Variants in RBPJ observed in about 807,000 individuals in gnomAD.
The protein encoded by RBPJ is recombination signal binding protein for immunoglobulin kappa J region.
In RBPJ, 9 loss-of-function variants were observed where a neutral mutation model predicts 67.8. That is an observed-to-expected ratio of 0.13 (90% CI 0.08 to 0.23). The LOEUF (loss-of-function observed/expected upper bound fraction) is 0.23, where lower values mean the gene tolerates loss of function less well. RBPJ is among the 10% of genes least tolerant of loss of function. The probability of loss-of-function intolerance (pLI) is 1.00; values close to 1 mark genes in which losing one functional copy is unlikely to be tolerated. For missense variants in RBPJ, 305 were observed against 595.6 expected, an observed-to-expected ratio of 0.51 and a Z score of 5.08; for synonymous variants, 198 against 203.3, an observed-to-expected ratio of 0.97 and a Z score of 0.22.
chr4:26,319,689 G>C, upstream of RBPJ: 2 of 679,864 alleles, frequency 2.9e-6, no homozygotes, highest in South Asian at 3.3e-5. Context: ...AGGAGGTGTA[G>C]CGTGAGACTG....
At chr4:26,109,444 CTCTCTCTCTCTCTCTCTATATATATATA>C in the RBPJ span, among the ~76,000 whole-genome samples, 5 of 28,436 alleles carry the variant, frequency 1.8e-4, no homozygotes, top group South Asian at 8.8e-4. Context: ...CTCTCTCTCT[CTCTCTCTCTCTCTCTCTATATATATATA>C]TATATATATA....
At chr4:26,328,641 T>G (rs969333963) in intron 1 of RBPJ, among the ~76,000 whole-genome samples, 1 of 152,104 alleles carries the variant, frequency 6.6e-6, no homozygotes, top group African/African-American at 2.4e-5. Flanking sequence ...GGTTGGTGTT[T>G]TTTAGAGACA....
chr4:26,285,821 T>C (rs916216856), intron 1 of RBPJ, among the ~76,000 whole-genome samples: 3 of 152,116 alleles, frequency 2.0e-5, no homozygotes, highest in African/African-American at 7.2e-5. Flanking sequence ...TGAATATAAA[T>C]TACTATGTGT....
At chr4:26,179,119 G>A (rs1217939524) in intron 1 of RBPJ, among the ~76,000 whole-genome samples, 4 of 152,032 alleles carry the variant, frequency 2.6e-5, no homozygotes, top group Admixed American at 2.0e-4. Flanking sequence ...TTGGAAGATA[G>A]TGAAGAGTAA....
chr4:26,402,075 AGG>A (rs1295293044), intron 2 of RBPJ, among the ~76,000 whole-genome samples: 1 of 151,658 alleles, frequency 6.6e-6, no homozygotes, highest in East Asian at 1.9e-4. Context: ...TTTAGTAGAA[AGG>A]GGGTTTCTCC....
intron 1 of RBPJ, among the ~76,000 whole-genome samples, chr4:26,371,645 AT>A (rs1441122942): frequency 1.3e-5 from 2 of 152,136 alleles, no homozygotes; most frequent in Non-Finnish European, 2.9e-5. Context: ...GTTAACACAG[AT>A]TTCCCTGGTT....
At chr4:26,229,348 G>A (rs1719194962) in intron 1 of RBPJ, among the ~76,000 whole-genome samples, 1 of 152,136 alleles carries the variant, frequency 6.6e-6, no homozygotes, top group Non-Finnish European at 1.5e-5. Context: ...GATCTATGGG[G>A]CTGAACCCTG....
intron 1 of RBPJ, chr4:26,359,566 C>G (rs890247764): frequency 6.6e-6 from 1 of 152,170 alleles, no homozygotes; most frequent in African/African-American, 2.4e-5. Flanking sequence ...CTGCTGCCGG[C>G]GCCGGCAGCC....
At chr4:26,153,683 A>T in the RBPJ span, among the ~76,000 whole-genome samples, 8 of 152,196 alleles carry the variant, frequency 5.3e-5, no homozygotes, top group Admixed American at 5.2e-4. Flanking sequence ...AGGCACACAC[A>T]GCTCTAGTCC....
chr4:26,378,668 G>T (rs1730005156), intron 1 of RBPJ, among the ~76,000 whole-genome samples: 1 of 152,194 alleles, frequency 6.6e-6, no homozygotes, highest in Admixed American at 6.5e-5. Flanking sequence ...ATGTTATAAA[G>T]AGAAGTTCAT....
At chr4:26,255,971 G>C (rs1295846519) in intron 1 of RBPJ, among the ~76,000 whole-genome samples, 1 of 152,008 alleles carries the variant, frequency 6.6e-6, no homozygotes, top group African/African-American at 2.4e-5. Context: ...GGTACTTCTT[G>C]TTTTCTATTT....
chr4:26,287,292 C>T (rs1402823481), intron 1 of RBPJ, among the ~76,000 whole-genome samples: 7 of 151,850 alleles, frequency 4.6e-5, no homozygotes, highest in Non-Finnish European at 1.0e-4. Context: ...GTAATCCCAG[C>T]ACTTTAAGAG....
chr4:26,319,730 C>A, upstream of RBPJ: 1 of 791,564 alleles, frequency 1.3e-6, no homozygotes, highest in Non-Finnish European at 2.2e-6. Context: ...TGCGCAGTGC[C>A]GCTCGCGCGG....
At chr4:26,421,855 T>C (rs1735170782) in intron 5 of RBPJ, among the ~76,000 whole-genome samples, 1 of 152,172 alleles carries the variant, frequency 6.6e-6, no homozygotes, top group Non-Finnish European at 1.5e-5. Flanking sequence ...ATATCCTATT[T>C]CATGTACAGA....
intron 3 of RBPJ, among the ~76,000 whole-genome samples, chr4:26,406,984 C>T (rs3113015): frequency 6.6e-6 from 1 of 152,142 alleles, no homozygotes; most frequent in African/African-American, 2.4e-5. Flanking sequence ...TGGAACTTTT[C>T]TACTTTCTAC....
At chr4:26,301,736 T>C (rs1488047863) in intron 1 of RBPJ, among the ~76,000 whole-genome samples, 1 of 152,176 alleles carries the variant, frequency 6.6e-6, no homozygotes, top group Non-Finnish European at 1.5e-5. Context: ...TTTGGGCTAA[T>C]CCCTGGAAGT....
intron 1 of RBPJ, among the ~76,000 whole-genome samples, chr4:26,251,903 G>A (rs776154053): frequency 6.7e-4 from 99 of 147,474 alleles, no homozygotes; most frequent in Non-Finnish European, 9.1e-4. Flanking sequence ...AGACTCAGCC[G>A]CAATGGAAAA....
chr4:26,347,222 T>C (rs1009383676), intron 1 of RBPJ, among the ~76,000 whole-genome samples: 2 of 152,138 alleles, frequency 1.3e-5, no homozygotes, highest in Non-Finnish European at 2.9e-5. Context: ...TGGCCAGTTA[T>C]ACGTGGCGAT....
intron 1 of RBPJ, among the ~76,000 whole-genome samples, chr4:26,333,976 T>G (rs1456833227): frequency 6.6e-6 from 1 of 152,156 alleles, no homozygotes; most frequent in Non-Finnish European, 1.5e-5. Flanking sequence ...TCGGACATAA[T>G]TTTTAAAATA....
Sources: gnomAD v4.1 joint callset for allele counts (sites outside exome capture counted in the v4.1 genomes callset) on GRCh38, gnomAD v4.1.1 for gene constraint, MANE v1.5 for transcripts, NCBI Gene and HGNC (gene_info 2026-07-23, HGNC 2026-07-21) for gene names.